Variants in EFEMP2 observed in about 807,000 individuals in gnomAD.
EFEMP2 encodes EGF-containing fibulin-like extracellular matrix protein 2.
In EFEMP2, 21 loss-of-function variants were observed where a neutral mutation model predicts 55.3. The ratio of observed to expected loss-of-function variants is 0.38; its 90% CI spans 0.27 to 0.55. The LOEUF (loss-of-function observed/expected upper bound fraction) is 0.55. Ranked by LOEUF, EFEMP2 falls within the 20% of genes least tolerant of loss-of-function variation. EFEMP2 has a pLI of 0.77. For synonymous variants in EFEMP2, 275 were observed against 242.3 expected, an observed-to-expected ratio of 1.14 and a Z score of -1.25; for missense variants, 513 against 615.1, an observed-to-expected ratio of 0.83 and a Z score of 1.76.
intron 10 of EFEMP2, 145 bp downstream of exon 10, chr11:65,867,716 C>T (rs1360874083): frequency 2.4e-6 from 2 of 832,450 alleles, no homozygotes; most frequent in Non-Finnish European, 4.0e-6. Context: ...TTAGAGTACC[C>T]CCGTCTTCCT....
At position 65,869,972 on chromosome 11, in the gene EFEMP2, C is replaced by G. The variant is rs770731331; in HGVS notation, c.612G>C (p.Val204=). 1.9e-6 allele frequency: 3 copies of G among 1,613,822 alleles called. No homozygotes were observed. In the South Asian group the frequency reaches 3.3e-5, roughly 18 times the overall value. ...ATGGGGCCCCCATGTCACACTCGTT[C>G]ACATCTGGGGGTGCCAGGAAAAACA... ...LGPNNRSCVD[V]NECDMGAPCE... The change falls in exon 7 of 11, where the codon GTG becomes GTC. Residue 204 remains valine (V), a synonymous_variant. Coordinates refer to ENST00000307998, the MANE Select transcript of EFEMP2 (RefSeq NM_016938.5).
At chr11:65,868,818 C>G in intron 7 of EFEMP2, 189 bp from the exon 8 acceptor site, 1 of 699,554 alleles carries the variant, frequency 1.4e-6, no homozygotes, top group Admixed American at 2.3e-5. Context: ...TGCCGCAGCT[C>G]ACAGACTTCT....
intron 4 of EFEMP2, 89 bp from the exon 5 acceptor site, chr11:65,870,747 A>C: frequency 3.8e-6 from 6 of 1,593,962 alleles, no homozygotes; most frequent in Non-Finnish European, 5.1e-6. Context: ...CGGTTCTCTC[A>C]ACAGCACGCG....
At chr11:65,871,078 T>C in intron 4 of EFEMP2, 79 bp downstream of exon 4, 1 of 1,528,386 alleles carries the variant, frequency 6.5e-7, no homozygotes, top group Non-Finnish European at 9.0e-7. Flanking sequence ...CCTTTTGAGC[T>C]GGGGAGGAAC....
intron 7 of EFEMP2, 48 bp from the exon 8 acceptor site, chr11:65,868,677 C>G: frequency 6.2e-7 from 1 of 1,611,338 alleles, no homozygotes; most frequent in South Asian, 1.1e-5. Flanking sequence ...CATTCCTCAC[C>G]ATTCAGTCCC....
intron 4 of EFEMP2, 158 bp downstream of exon 4, chr11:65,870,999 C>A: frequency 2.1e-6 from 2 of 938,232 alleles, no homozygotes; most frequent in South Asian, 1.5e-5. Context: ...GGCACACAAG[C>A]TGGGGCCACC....
At chr11:65,869,038 A>G (rs659824) in intron 7 of EFEMP2, 139,542 of 294,360 alleles carry the variant, frequency 0.47, 34,707 homozygotes, top group Middle Eastern at 0.59. Flanking sequence ...GTCACCTCCA[A>G]CTAACTGTGA....
At chr11:65,869,823 A>G (rs1300811965) in intron 7 of EFEMP2, 34 bp downstream of exon 7, 1 of 1,612,782 alleles carries the variant, frequency 6.2e-7, no homozygotes, top group African/African-American at 1.3e-5. Context: ...CTGGGGGTCC[A>G]CAGAGGAGTA....
chr11:65,869,814 T>C (rs1183535207), intron 7 of EFEMP2, 43 bp downstream of exon 7: 1 of 1,612,224 alleles, frequency 6.2e-7, no homozygotes, highest in Admixed American at 1.7e-5. Flanking sequence ...AGCTAGGGCC[T>C]GGGGGTCCAC....
At position 65,872,288 on chromosome 11, in the gene EFEMP2, C is replaced by G. The variant is rs1278697643; in HGVS notation, c.67G>C (p.Gly23Arg). Residue 23 changes from glycine to arginine, a missense_variant, in exon 2 of 11, where the codon GGA (glycine) becomes CGA (arginine). Coordinates refer to ENST00000307998, the MANE Select transcript of EFEMP2 (RefSeq NM_016938.5). The stretch of plus-strand genomic sequence containing the variant: ...TCAGAATCCTGAGGAGAAGCTGATC[C>G]CAAGAGCAACAGTAGCAGCGCCCAG... ...LLWALLLLLL[G>R]SASPQDSEEP... 1.3e-6 allele frequency: 2 copies of G among 1,551,722 alleles called. No individual in the cohort carries two copies. Among genetic ancestry groups the G allele is most frequent in the East Asian group, 4.9e-5 (2 of 40,932 alleles).
rs986808252 is a variant in EFEMP2 at position 65,866,731 on chromosome 11, C to T, written c.*187G>A. 8 of 766,226 alleles carry T rather than the reference C, an allele frequency of 1.0e-5. No individual in the cohort carries two copies. Among genetic ancestry groups the T allele is most frequent in the Non-Finnish European group, 1.6e-5 (7 of 442,040 alleles). The allele number at this position is 766,226 out of a possible 1,614,324, so 47.5% of individuals were successfully genotyped here. ...CCTGGGCCTGAACATATAGAGACCC[C>T]CATTTAGGTGAACTTGGCCTGCCCC... On this transcript the variant is annotated 3_prime_UTR_variant, in exon 11 of 11. Coordinates refer to ENST00000307998, the MANE Select transcript of EFEMP2 (RefSeq NM_016938.5).
rs900098817 is a variant in EFEMP2 at position 65,871,229 on chromosome 11, G to A, written c.295C>T (p.Pro99Ser). 1.9e-6 allele frequency: 3 copies of A among 1,614,080 alleles called. No homozygotes were observed. Among genetic ancestry groups the A allele is most frequent in the Non-Finnish European group, 2.5e-6 (3 of 1,179,926 alleles). ...TTGGGGTGTTGAGCGGGAGGCACTG[G>A]TGGCGGGGGTCCCTCGCCGTGTAGG... ...NDLHGEGPPP[P>S]VPPAQHPNPC... The change falls in exon 4 of 11, where the codon CCA (proline) becomes TCA (serine). Residue 99 changes from proline (P) to serine (S), a missense_variant. Physicochemically the swap from Pro to Ser is moderately conservative, Grantham distance 74. Transcript: ENST00000307998.
Position 65,867,220 on chromosome 11 carries a change from C to T in EFEMP2, c.1171-141G>A, listed in dbSNP as rs563483609. The T allele has an allele frequency of 3.4e-5, 31 of 919,290 alleles. No homozygotes were observed. The South Asian group carries it at 4.4e-4, about 13-fold the overall frequency. The allele number at this position is 919,290 out of a possible 1,614,324, so 56.9% of individuals were successfully genotyped here. On this transcript the variant is annotated intron_variant, in intron 10 of 10. Coordinates refer to ENST00000307998, the MANE Select transcript of EFEMP2 (RefSeq NM_016938.5). ...GCTGCCACCCCAGCCTCTCATGCAG[C>T]TCTTTGACACCCTCGATGTCTCTCC...
chr11:65,870,476 G>A, intron 5 of EFEMP2, 60 bp downstream of exon 5: 1 of 1,609,746 alleles, frequency 6.2e-7, no homozygotes, highest in Non-Finnish European at 8.5e-7. Context: ...TCAGGTGCTA[G>A]GGCAAGGGCC....
Position 65,868,055 on chromosome 11 carries a change from G to C in EFEMP2, c.976C>G (p.Arg326Gly). Residue 326 changes from arginine to glycine, a missense_variant and splice_region_variant, in exon 10 of 11, where the codon CGC becomes GGC. Transcript: ENST00000307998. ...VEPYIQVSEN[R>G]CLCPASNPLC... The stretch of plus-strand genomic sequence containing the variant: ...GGGTTGGAGGCCGGGCAGAGACAGC[G>C]GCTAGAGACCCCGAGGTGGGGGACA... The C allele has an allele frequency of 6.2e-7, 1 of 1,613,560 alleles. No homozygotes were observed. The highest frequency in any genetic ancestry group is 1.7e-4 in the Middle Eastern group (1 of 5,996).
At chr11:65,869,701 G>T in intron 7 of EFEMP2, 156 bp downstream of exon 7, 1 of 1,128,788 alleles carries the variant, frequency 8.9e-7, no homozygotes, top group Non-Finnish European at 1.3e-6. Flanking sequence ...GCCTGGGAGT[G>T]CTCCACAGCC....
Position 65,866,733 on chromosome 11 carries a change from A to G in EFEMP2, c.*185T>C, listed in dbSNP as rs1565271747. On this transcript the variant is annotated 3_prime_UTR_variant, in exon 11 of 11. Coordinates refer to ENST00000307998, the MANE Select transcript of EFEMP2 (RefSeq NM_016938.5). ...TGGGCCTGAACATATAGAGACCCCC[A>G]TTTAGGTGAACTTGGCCTGCCCCCC... 1.3e-6 allele frequency: 1 copy of G among 775,110 alleles called. No individual in the cohort carries two copies. Among genetic ancestry groups the G allele is most frequent in the Middle Eastern group, 2.2e-4 (1 of 4,538 alleles). The allele number at this position is 775,110 out of a possible 1,614,324, so 48.0% of individuals were successfully genotyped here.
chr11:65,869,610 G>A (rs1245540927), intron 7 of EFEMP2: 2 of 563,288 alleles, frequency 3.6e-6, no homozygotes, highest in Non-Finnish European at 3.2e-6. Flanking sequence ...TGATATGTGG[G>A]ACAGGTGGCA....
chr11:65,866,564 G>T lies in EFEMP2; in HGVS notation c.*354C>A. The T allele has an allele frequency of 1.4e-6, 1 of 702,896 alleles. No individual in the cohort carries two copies. Among genetic ancestry groups the T allele is most frequent in the South Asian group, 1.5e-5 (1 of 67,596 alleles). 43.5% of individuals were successfully genotyped at this position (702,896 alleles called of 1,614,324 possible). A position where few individuals can be genotyped will look rare whatever the true frequency, so the allele number is the denominator to read the frequency against. The stretch of plus-strand genomic sequence containing the variant: ...AGGGCCTCCTGGCGCTGTCCAGAGT[G>T]GAGTTTCTTAGGACCCCTGCAAGCC... On this transcript the variant is annotated 3_prime_UTR_variant, in exon 11 of 11. Transcript: ENST00000307998.
Sources: gnomAD v4.1 joint callset for allele counts on GRCh38, gnomAD v4.1.1 for gene constraint, MANE v1.5 for transcripts, NCBI Gene and HGNC (gene_info 2026-07-23, HGNC 2026-07-21) for gene names.